Variants in NTM observed in about 807,000 individuals in gnomAD.
NTM encodes neurotrimin.
In NTM, 13 loss-of-function variants were observed where a neutral mutation model predicts 42.1. That is an observed-to-expected ratio of 0.31 (90% CI 0.20 to 0.49). The LOEUF (loss-of-function observed/expected upper bound fraction) is 0.49. NTM is among the 20% of genes least tolerant of loss of function. NTM has a pLI of 0.99. For synonymous variants in NTM, 187 were observed against 179.2 expected, an observed-to-expected ratio of 1.04 and a Z score of -0.35; for missense variants, 373 against 452.8, an observed-to-expected ratio of 0.82 and a Z score of 1.60.
At chr11:132,253,105 AG>A (rs1441284023) in intron 4 of NTM, among the ~76,000 whole-genome samples, 2 of 152,218 alleles carry the variant, frequency 1.3e-5, no homozygotes, top group African/African-American at 4.8e-5. Context: ...CAATGTTTCT[AG>A]AATGGTAACT....
chr11:132,251,894 A>T (rs550013367), intron 4 of NTM, among the ~76,000 whole-genome samples: 2 of 152,340 alleles, frequency 1.3e-5, no homozygotes, highest in African/African-American at 2.4e-5. Context: ...TCCACCCATG[A>T]GAAGAAAATC....
intron 2 of NTM, among the ~76,000 whole-genome samples, chr11:131,972,064 T>G (rs1436735741): frequency 1.8e-5 from 1 of 56,180 alleles, no homozygotes; most frequent in Non-Finnish European, 3.9e-5. Flanking sequence ...AAAAAAAAAA[T>G]TAGCCAGGTG....
intron 1 of NTM, among the ~76,000 whole-genome samples, chr11:131,828,585 T>C (rs545412810): frequency 6.6e-6 from 1 of 152,192 alleles, no homozygotes; most frequent in African/African-American, 2.4e-5. Flanking sequence ...TTCACAGTCA[T>C]CACGAACATC....
At chr11:131,700,148 T>C (rs1289600909) in intron 1 of NTM, among the ~76,000 whole-genome samples, 2 of 152,048 alleles carry the variant, frequency 1.3e-5, no homozygotes, top group Non-Finnish European at 2.9e-5. Flanking sequence ...TCTTTAGGAG[T>C]TGTCTAATTT....
chr11:131,633,217 C>T (rs2063841292), intron 1 of NTM, among the ~76,000 whole-genome samples: 1 of 152,144 alleles, frequency 6.6e-6, no homozygotes, highest in East Asian at 1.9e-4. Context: ...GTATTTCCCC[C>T]ATTTCATTTT....
chr11:131,551,280 A>G (rs573241714), intron 1 of NTM, among the ~76,000 whole-genome samples: 9 of 152,376 alleles, frequency 5.9e-5, no homozygotes, highest in African/African-American at 1.9e-4. Context: ...CACTTTAGAA[A>G]GAAGATAATA....
At chr11:132,296,590 G>T (rs901289188) in intron 4 of NTM, among the ~76,000 whole-genome samples, 1 of 152,106 alleles carries the variant, frequency 6.6e-6, no homozygotes, top group Non-Finnish European at 1.5e-5. Flanking sequence ...AAGAGACGTC[G>T]CCATACTGAG....
At chr11:131,477,596 A>T (rs1334612656) in intron 1 of NTM, among the ~76,000 whole-genome samples, 1 of 151,838 alleles carries the variant, frequency 6.6e-6, no homozygotes, top group Non-Finnish European at 1.5e-5. Context: ...AGTAAATCAT[A>T]TCCACCCTGT....
chr11:132,044,861 C>T (rs561926528), intron 2 of NTM, among the ~76,000 whole-genome samples: 30 of 152,066 alleles, frequency 2.0e-4, no homozygotes, highest in Admixed American at 1.5e-3. Context: ...AGACCAATAA[C>T]GAGTTCTGAA....
chr11:131,954,014 G>T (rs114918666), intron 2 of NTM, among the ~76,000 whole-genome samples: 15 of 152,160 alleles, frequency 9.9e-5, no homozygotes, highest in South Asian at 2.1e-4. Flanking sequence ...TGAATTTATT[G>T]TATTTAATAG....
intron 2 of NTM, among the ~76,000 whole-genome samples, chr11:132,068,327 T>G (rs1056688315): frequency 3.3e-5 from 5 of 152,238 alleles, no homozygotes; most frequent in African/African-American, 1.2e-4. Context: ...CCTTGAGTAC[T>G]TTGCTTGGAA....
At chr11:131,565,638 G>T (rs2056803278) in intron 1 of NTM, among the ~76,000 whole-genome samples, 1 of 152,202 alleles carries the variant, frequency 6.6e-6, no homozygotes, top group Non-Finnish European at 1.5e-5. Context: ...GCAAGTAAGT[G>T]CCTTTATGTT....
At chr11:131,983,878 T>G (rs2065659196) in intron 2 of NTM, among the ~76,000 whole-genome samples, 1 of 152,198 alleles carries the variant, frequency 6.6e-6, no homozygotes, top group Non-Finnish European at 1.5e-5. Context: ...TCCCTGAGCA[T>G]TAGCTTCCAG....
chr11:131,960,235 A>G lies in NTM; in HGVS notation c.167+48587A>G, dbSNP rs574700495. 2.1e-4 allele frequency among the ~76,000 whole-genome samples: 32 copies of G among 152,310 alleles called. 1 individual carries two copies. In the South Asian group the frequency reaches 6.0e-3, roughly 29 times the overall value. ...CCCCTGGATGGAAAGTCTTGTTTAC[A>G]GTTGTTGGGACCCTCCCAGGTAAGA... is the stretch of plus-strand genomic sequence containing the variant. On this transcript the variant is annotated intron_variant, in intron 2 of 8. Transcript: ENST00000683400.
At chr11:132,181,170 A>G (rs1039696383) in intron 3 of NTM, among the ~76,000 whole-genome samples, 4 of 151,704 alleles carry the variant, frequency 2.6e-5, no homozygotes, top group African/African-American at 4.8e-5. Context: ...TCATGAAACT[A>G]CTCCCTCTTG....
At chr11:132,333,817 A>T (rs2095843446) in intron 8 of NTM, among the ~76,000 whole-genome samples, 1 of 152,224 alleles carries the variant, frequency 6.6e-6, no homozygotes, top group Non-Finnish European at 1.5e-5. Context: ...CAAAAGGCCA[A>T]GACATAAAAT....
intron 1 of NTM, among the ~76,000 whole-genome samples, chr11:131,511,717 G>A (rs959057378): frequency 6.6e-6 from 1 of 152,208 alleles, no homozygotes; most frequent in Non-Finnish European, 1.5e-5. Context: ...GCACCTGGCA[G>A]CTGCGTCCTC....
chr11:131,792,039 A>G (rs980079488), intron 1 of NTM, among the ~76,000 whole-genome samples: 7 of 152,186 alleles, frequency 4.6e-5, no homozygotes, highest in Non-Finnish European at 8.8e-5. Context: ...GGATCCAGCT[A>G]TCTGCATTTG....
intron 1 of NTM, among the ~76,000 whole-genome samples, chr11:131,475,310 G>T (rs1000315420): frequency 1.3e-5 from 2 of 152,198 alleles, no homozygotes; most frequent in South Asian, 4.1e-4. Context: ...TCATTATAGG[G>T]TTATTCCTCT....
Sources: allele counts gnomAD v4.1 joint callset (sites outside exome capture counted in the v4.1 genomes callset), GRCh38; gene constraint gnomAD v4.1.1; transcripts MANE v1.5; gene names NCBI Gene and HGNC (gene_info 2026-07-23, HGNC 2026-07-21).